Variants in ANO3 observed in about 807,000 individuals in gnomAD.
ANO3 encodes anoctamin 3, also known as anoctamin-3.
Under a neutral mutation model 144.8 loss-of-function variants are expected in ANO3, and 99 were observed. The observed-to-expected ratio is 0.68, with a 90% confidence interval of 0.58 to 0.81. The LOEUF is 0.81. ANO3 is among the 30% of genes least tolerant of loss of function. The probability of loss-of-function intolerance (pLI) is 0.00; values close to 1 mark genes in which losing one functional copy is unlikely to be tolerated. For synonymous variants in ANO3, 414 were observed against 392.6 expected (o/e 1.05, Z -0.64); for missense variants, 905 against 1,202.2 (o/e 0.75, Z 3.66).
intron 1 of ANO3, among the ~76,000 whole-genome samples, chr11:26,441,123 T>TTTTTG (rs1554954664): frequency 0.088 from 10,868 of 123,554 alleles, 826 homozygotes; most frequent in South Asian, 0.21. Context: ...TTTTTTTTTT[T>TTTTTG]TTTTTTTTTT....
At chr11:26,518,729 TTTC>T (rs1258649673) in intron 6 of ANO3, among the ~76,000 whole-genome samples, 2 of 152,030 alleles carry the variant, frequency 1.3e-5, no homozygotes, top group East Asian at 3.9e-4. Context: ...GGTACAAAGA[TTTC>T]TTAGTGATTT....
At chr11:26,440,390 G>T (rs1009974960) in intron 1 of ANO3, among the ~76,000 whole-genome samples, 2 of 152,120 alleles carry the variant, frequency 1.3e-5, no homozygotes, top group African/African-American at 4.8e-5. Context: ...TAATATGAAT[G>T]ACAGGGGGTG....
At chr11:26,373,142 C>T (rs1435170063) in intron 1 of ANO3, among the ~76,000 whole-genome samples, 2 of 152,206 alleles carry the variant, frequency 1.3e-5, no homozygotes, top group East Asian at 3.9e-4. Flanking sequence ...TGCTTTTTAA[C>T]AATCACAACT....
At chr11:26,561,482 GTATAGTA>G (rs1850289800) in intron 14 of ANO3, among the ~76,000 whole-genome samples, 1 of 151,946 alleles carries the variant, frequency 6.6e-6, no homozygotes, top group South Asian at 2.1e-4. Context: ...GAAGAGACCA[GTATAGTA>G]TATCAATACC....
intron 17 of ANO3, among the ~76,000 whole-genome samples, chr11:26,622,479 A>G (rs1304000487): frequency 6.6e-6 from 1 of 151,252 alleles, no homozygotes; most frequent in Non-Finnish European, 1.5e-5. Context: ...AGTGGTGTGT[A>G]CCTGTAGTTA....
intron 1 of ANO3, among the ~76,000 whole-genome samples, chr11:26,289,569 T>C (rs1336783802): frequency 6.5e-5 from 7 of 107,400 alleles, no homozygotes; most frequent in African/African-American, 3.2e-4. Flanking sequence ...TATGTACATA[T>C]ACACATATAT....
intron 3 of ANO3, among the ~76,000 whole-genome samples, chr11:26,456,167 A>G (rs556703282): frequency 6.6e-6 from 1 of 152,330 alleles, no homozygotes; most frequent in South Asian, 2.1e-4. Context: ...GGCATGGGCA[A>G]GGACTTCATG....
At chr11:26,264,051 C>G (rs1853253914) in intron 1 of ANO3, among the ~76,000 whole-genome samples, 1 of 152,180 alleles carries the variant, frequency 6.6e-6, no homozygotes, top group Non-Finnish European at 1.5e-5. Context: ...ACTCTTCATT[C>G]TGTCCTGGGA....
chr11:26,609,951 G>A (rs1852047053), intron 17 of ANO3, among the ~76,000 whole-genome samples: 1 of 152,100 alleles, frequency 6.6e-6, no homozygotes, highest in Non-Finnish European at 1.5e-5. Flanking sequence ...CGCTCTTGTT[G>A]CCCAGGCTGG....
At chr11:26,440,229 A>C (rs1449613343) in intron 1 of ANO3, among the ~76,000 whole-genome samples, 1 of 152,176 alleles carries the variant, frequency 6.6e-6, no homozygotes, top group Non-Finnish European at 1.5e-5. Flanking sequence ...GTCTGTTTTC[A>C]CATTGATAAG....
At chr11:26,555,233 T>C (rs541024123) in intron 13 of ANO3, among the ~76,000 whole-genome samples, 1 of 152,338 alleles carries the variant, frequency 6.6e-6, no homozygotes, top group African/African-American at 2.4e-5. Context: ...TTCTCATCAC[T>C]TTTGGCAAGA....
At chr11:26,294,624 A>T (rs1330192110) in intron 1 of ANO3, among the ~76,000 whole-genome samples, 1 of 152,190 alleles carries the variant, frequency 6.6e-6, no homozygotes, top group Non-Finnish European at 1.5e-5. Flanking sequence ...CAAAATTGAC[A>T]GAAGCAAGAT....
intron 1 of ANO3, among the ~76,000 whole-genome samples, chr11:26,296,850 T>C (rs1351134459): frequency 6.6e-6 from 1 of 152,112 alleles, no homozygotes; most frequent in African/African-American, 2.4e-5. Flanking sequence ...GCCACGTAAA[T>C]GTGACTTTGG....
intron 17 of ANO3, among the ~76,000 whole-genome samples, chr11:26,616,466 G>C (rs1257377651): frequency 7.9e-6 from 1 of 126,494 alleles, no homozygotes; most frequent in Non-Finnish European, 1.6e-5. Flanking sequence ...GTAATTTGTT[G>C]CAAAGACATA....
At chr11:26,223,316 T>C (rs771555106) in intron 1 of ANO3, among the ~76,000 whole-genome samples, 3 of 152,136 alleles carry the variant, frequency 2.0e-5, no homozygotes, top group Non-Finnish European at 4.4e-5. Flanking sequence ...ACATAGGTGA[T>C]CTTTACTCAA....
At chr11:26,464,780 T>C (rs1859537159) in intron 4 of ANO3, among the ~76,000 whole-genome samples, 2 of 151,878 alleles carry the variant, frequency 1.3e-5, no homozygotes, top group South Asian at 4.1e-4. Context: ...CTTCTCCTAT[T>C]ATACTTCCAC....
intron 3 of ANO3, among the ~76,000 whole-genome samples, chr11:26,452,773 A>T (rs1049685165): frequency 3.1e-4 from 37 of 120,086 alleles, no homozygotes; most frequent in Non-Finnish European, 4.0e-4. Flanking sequence ...CAAGACACAT[A>T]ATTGTCAGAT....
intron 13 of ANO3, among the ~76,000 whole-genome samples, chr11:26,554,418 G>C (rs1850026394): frequency 6.6e-6 from 1 of 152,058 alleles, no homozygotes; most frequent in South Asian, 2.1e-4. Context: ...ATGGACAAAT[G>C]CTGTCATTTC....
intron 2 of ANO3, among the ~76,000 whole-genome samples, 163 bp downstream of exon 2, chr11:26,442,275 T>C (rs143435734): frequency 9.0e-4 from 137 of 152,308 alleles, no homozygotes; most frequent in Non-Finnish European, 1.6e-3. Flanking sequence ...TGGCCAGATG[T>C]GTTTTATCTC....
Sources: gnomAD v4.1 joint callset for allele counts (sites outside exome capture counted in the v4.1 genomes callset) on GRCh38, gnomAD v4.1.1 for gene constraint, MANE v1.5 for transcripts, NCBI Gene and HGNC (gene_info 2026-07-23, HGNC 2026-07-21) for gene names.